Variants in CAPN3 observed in about 807,000 individuals in gnomAD.
CAPN3 encodes calpain 3.
Under a neutral mutation model 114.0 loss-of-function variants are expected in CAPN3, and 88 were observed. The observed-to-expected ratio is 0.77, with a 90% CI of 0.65 to 0.92. CAPN3 has a LOEUF of 0.92. CAPN3 is among the 40% of genes least tolerant of loss of function. The pLI, the probability that CAPN3 is intolerant of heterozygous loss-of-function variation, is 0.00. For missense variants in CAPN3, 1,028 were observed against 1,069.0 expected (o/e 0.96, Z 0.53); for synonymous variants, 386 against 382.9 (o/e 1.01, Z -0.09).
At chr15:42,392,054 A>T (rs1332631974) in intron 6 of CAPN3, among the ~76,000 whole-genome samples, 1 of 151,838 alleles carries the variant, frequency 6.6e-6, no homozygotes, top group Non-Finnish European at 1.5e-5. Flanking sequence ...AATCCCAGCT[A>T]CTCGGGAGGC....
intron 8 of CAPN3, 145 bp from the exon 9 acceptor site, chr15:42,396,655 T>A: frequency 1.5e-6 from 1 of 689,364 alleles, no homozygotes; most frequent in Non-Finnish European, 2.7e-6. Context: ...GCTATTGGGT[T>A]TCACACTGAG....
intron 9 of CAPN3, among the ~76,000 whole-genome samples, chr15:42,397,670 G>A (rs1425994403): frequency 1.3e-5 from 2 of 151,564 alleles, no homozygotes; most frequent in Non-Finnish European, 2.9e-5. Context: ...TGTTGTCTTA[G>A]TATAATGTCA....
At position 42,408,200 on chromosome 15, in the gene CAPN3, C is replaced by T; in HGVS notation, c.1801-11C>T. 6.3e-7 allele frequency: 1 copy of T among 1,594,282 alleles called. No homozygotes were observed. Among genetic ancestry groups the T allele is most frequent in the Non-Finnish European group, 8.6e-7 (1 of 1,162,908 alleles). On this transcript the variant is annotated splice_polypyrimidine_tract_variant and intron_variant, in intron 15 of 23. Coordinates refer to ENST00000397163, the MANE Select transcript of CAPN3 (RefSeq NM_000070.3). ...CTCCCTTCCTTCCTGCCTCCTCCCT[C>T]CTCTCTCCAGCCCATCATCTTCGTT...
chr15:42,396,240 C>CTTTTTTTT (rs1566978220), intron 8 of CAPN3, among the ~76,000 whole-genome samples: 1 of 143,124 alleles, frequency 7.0e-6, no homozygotes, highest in Non-Finnish European at 1.5e-5. Flanking sequence ...GTCCAGAACC[C>CTTTTTTTT]ATTTTTTTTT....
chr15:42,398,652 T>G (rs1427921945), intron 9 of CAPN3, among the ~76,000 whole-genome samples: 1 of 147,634 alleles, frequency 6.8e-6, no homozygotes, highest in Non-Finnish European at 1.5e-5. Flanking sequence ...TACACACATA[T>G]ATATACACAC....
chr15:42,360,367 GA>G lies in CAPN3; in HGVS notation c.309+268del, dbSNP rs397962506. On this transcript the variant is annotated intron_variant, in intron 1 of 23. Transcript: ENST00000397163. Reference sequence around the variant, plus strand: ...TCTTATGCTCTGGCTCTTTCTCTCTGAAAAAAAAAAAAAAATCTTGCTTTTT... The same window carrying G: ...TCTTATGCTCTGGCTCTTTCTCTCTGAAAAAAAAAAAAAATCTTGCTTTTT... Among the ~76,000 whole-genome samples, 344 of 136,308 alleles carry G rather than the reference GA, an allele frequency of 2.5e-3. No homozygotes were observed. Among genetic ancestry groups the G allele is most frequent in the Middle Eastern group, 7.4e-3 (2 of 270 alleles). 89.4% of individuals were successfully genotyped at this position (136,308 alleles called of 152,430 possible). A position where few individuals can be genotyped will look rare whatever the true frequency, so the allele number is the denominator to read the frequency against.
At chr15:42,375,860 C>A (rs563359982) in intron 1 of CAPN3, among the ~76,000 whole-genome samples, 1 of 152,220 alleles carries the variant, frequency 6.6e-6, no homozygotes, top group Non-Finnish European at 1.5e-5. Context: ...TGTCTGATGT[C>A]CTTTTTCTGT....
chr15:42,383,792 T>C (rs28364385), intron 1 of CAPN3, among the ~76,000 whole-genome samples: 7,525 of 151,714 alleles, frequency 0.05, 574 homozygotes, highest in African/African-American at 0.16. Context: ...AGGCTGGTCT[T>C]GAACTCCTGA....
intron 1 of CAPN3, among the ~76,000 whole-genome samples, chr15:42,368,242 A>G (rs934088984): frequency 1.3e-5 from 2 of 152,222 alleles, no homozygotes; most frequent in Non-Finnish European, 2.9e-5. Context: ...AAACAAGGCA[A>G]CACTCAGCCT....
Position 42,411,750 on chromosome 15 carries a change from C to G in CAPN3, c.2443C>G (p.Leu815Val), listed in dbSNP as rs773318451. The change falls in exon 24 of 24, where the codon CTG (leucine) becomes GTG (valine). Residue 815 changes from leucine to valine, a missense_variant. Coordinates refer to ENST00000397163, the MANE Select transcript of CAPN3 (RefSeq NM_000070.3). Reference protein sequence around the residue: ...GIIKLNVLEWLQLTMYA With the variant: ...GIIKLNVLEWVQLTMYA The stretch of plus-strand genomic sequence containing the variant: ...CTGATCTTGGGACTTCTTTCAGTGG[C>G]TGCAGCTCACCATGTATGCCTGAAC... 1.3e-6 allele frequency: 2 copies of G among 1,494,642 alleles called. No individual in the cohort carries two copies. Among genetic ancestry groups the G allele is most frequent in the South Asian group, 1.1e-5 (1 of 88,876 alleles). The allele number at this position is 1,494,642 out of a possible 1,614,324, so 92.6% of individuals were successfully genotyped here.
chr15:42,367,127 C>T (rs538547339), intron 1 of CAPN3, among the ~76,000 whole-genome samples: 1 of 152,116 alleles, frequency 6.6e-6, no homozygotes, highest in Non-Finnish European at 1.5e-5. Flanking sequence ...GCTCTGCACC[C>T]GGCCTCCCTC....
In CAPN3 at chr15:42,410,868, A is replaced by G; in HGVS notation, c.2264-16A>G. ...CTCCAGCTCCACGTCCACCTCTAAC[A>G]TGGTCCCCTCCACAGGATTCCACCT... is the stretch of plus-strand genomic sequence containing the variant. On this transcript the variant is annotated splice_polypyrimidine_tract_variant and intron_variant, in intron 21 of 23. Transcript: ENST00000397163. 1.3e-6 allele frequency: 2 copies of G among 1,598,908 alleles called. No individual in the cohort carries two copies. The highest frequency in any genetic ancestry group is 1.1e-5 in the South Asian group (1 of 90,782).
intron 16 of CAPN3, 174 bp from the exon 17 acceptor site, chr15:42,409,129 T>C (rs1231521529): frequency 3.0e-6 from 2 of 664,856 alleles, no homozygotes; most frequent in Non-Finnish European, 2.8e-6. Context: ...GAAGAGTCCC[T>C]GAGGCCTCGA....
intron 8 of CAPN3, among the ~76,000 whole-genome samples, chr15:42,396,241 A>ATT (rs554769961): frequency 0.057 from 7,155 of 125,748 alleles, 722 homozygotes; most frequent in African/African-American, 0.19. Context: ...TCCAGAACCC[A>ATT]TTTTTTTTTT....
At chr15:42,388,680 A>G (rs748829877) in intron 4 of CAPN3, among the ~76,000 whole-genome samples, 6 of 151,860 alleles carry the variant, frequency 4.0e-5, no homozygotes, top group Admixed American at 2.6e-4. Context: ...AAGTGGGGAT[A>G]GCTGGGTTTC....
intron 12 of CAPN3, chr15:42,402,422 C>A: frequency 7.0e-7 from 1 of 1,436,306 alleles, no homozygotes; most frequent in Non-Finnish European, 9.1e-7. Context: ...CACACACAGT[C>A]ACACAGACGC....
Position 42,411,265 on chromosome 15 carries a change from T to C in CAPN3, c.2381-22T>C, listed in dbSNP as rs897740302. On this transcript the variant is annotated intron_variant, in intron 22 of 23. Coordinates refer to ENST00000397163, the MANE Select transcript of CAPN3 (RefSeq NM_000070.3). ...GCGGAGTGCGCCTGTAACTGGCCTCTGGCCTGTGCATTCTTTCACAGGAGC... is the reference window on the plus strand; with the variant it reads ...GCGGAGTGCGCCTGTAACTGGCCTCCGGCCTGTGCATTCTTTCACAGGAGC... 5 of 1,610,552 alleles carry C rather than the reference T, an allele frequency of 3.1e-6. No individual in the cohort carries two copies. The African/African-American group carries it at 6.7e-5, about 22-fold the overall frequency.
intron 1 of CAPN3, among the ~76,000 whole-genome samples, chr15:42,360,530 G>A (rs1424494761): frequency 6.6e-6 from 1 of 152,084 alleles, no homozygotes; most frequent in Non-Finnish European, 1.5e-5. Flanking sequence ...CAGTTTCTCT[G>A]GCTAAAATCA....
Position 42,404,894 on chromosome 15 carries a change from A to T in CAPN3, c.1783-1032A>T. ...TGTTCTGGTCATCTGGATGCTGGTC[A>T]TCGGTGTGCAGTATTGATCAGGACC... On this transcript the variant is annotated intron_variant, in intron 14 of 23. Transcript: ENST00000397163. The T allele has an allele frequency of 3.9e-6, 4 of 1,036,156 alleles. No individual in the cohort carries two copies. In the South Asian group the frequency reaches 1.5e-4, roughly 39 times the overall value. The allele number at this position is 1,036,156 out of a possible 1,614,324, so 64.2% of individuals were successfully genotyped here. A position where few individuals can be genotyped will look rare whatever the true frequency, so the allele number is the denominator to read the frequency against.
Sources: gnomAD v4.1 joint callset for allele counts (sites outside exome capture counted in the v4.1 genomes callset) on GRCh38, gnomAD v4.1.1 for gene constraint, MANE v1.5 for transcripts, NCBI Gene and HGNC (gene_info 2026-07-23, HGNC 2026-07-21) for gene names.